TP53I13: variants seen among roughly 807,000 people sequenced by gnomAD.
The protein encoded by TP53I13 is tumor protein p53 inducible protein 13.
TP53I13 carries 27 observed loss-of-function variants against 39.1 expected under a neutral mutation model. The observed-to-expected ratio is 0.69, with a 90% CI of 0.51 to 0.95. TP53I13 has a LOEUF of 0.95. TP53I13 is among the 40% of genes least tolerant of loss of function. The pLI is 0.00. For synonymous variants in TP53I13, 230 were observed against 224.6 expected, an observed-to-expected ratio of 1.02 and a Z score of -0.22; for missense variants, 544 against 520.4, an observed-to-expected ratio of 1.05 and a Z score of -0.44.
intron 2 of TP53I13, 107 bp downstream of exon 2, chr17:29,569,193 TTCCTCAG>T: frequency 1.4e-6 from 2 of 1,470,512 alleles, no homozygotes; most frequent in Non-Finnish European, 1.9e-6. Flanking sequence ...CCTCTGCCGG[TTCCTCAG>T]TCCTCAGTAG....
chr17:29,575,268 C>A, downstream of TP53I13: 1 of 1,599,400 alleles, frequency 6.3e-7, no homozygotes, highest in Non-Finnish European at 8.5e-7. The surrounding 1 kb of genome is among the most constrained non-coding windows in gnomAD (Gnocchi z 5.5). Context: ...ATCCCCCTCA[C>A]CTCCCCCTCC....
chr17:29,572,848 G>A lies in TP53I13; in HGVS notation c.1106G>A (p.Arg369Gln), dbSNP rs1480865706. The change falls in exon 7 of 7, where the codon CGG (arginine) becomes CAG (glutamine). Residue 369 changes from arginine (R) to glutamine (Q), a missense_variant. Transcript: ENST00000301057. ...CGGAGGCTGCTGCAGCCCTCGCGCC[G>A]GGTCAAGCGCTCGCGCCGGAGACCC... ...LKRRLLQPSR[R>Q]VKRSRRRPLL... 3 of 1,512,472 alleles carry A rather than the reference G, an allele frequency of 2.0e-6. No individual in the cohort carries two copies. Among genetic ancestry groups the A allele is most frequent in the African/African-American group, 1.4e-5 (1 of 70,264 alleles). 93.7% of individuals were successfully genotyped at this position (1,512,472 alleles called of 1,614,324 possible).
the TP53I13 span, chr17:29,578,523 C>T: frequency 1.2e-6 from 1 of 868,732 alleles, no homozygotes; most frequent in East Asian, 2.4e-5. Flanking sequence ...GGAAAGGGAT[C>T]ATGTTCCAAA....
chr17:29,576,017 C>T (rs2033181691), downstream of TP53I13: 8 of 1,580,844 alleles, frequency 5.1e-6, no homozygotes, highest in Non-Finnish European at 7.0e-6. Flanking sequence ...AGCACAGAGC[C>T]CAGAACCCCC....
At chr17:29,575,867 G>A, downstream of TP53I13, 1 of 1,611,550 alleles carries the variant, frequency 6.2e-7, no homozygotes, top group Non-Finnish European at 8.5e-7. This position sits in a 1 kb window ranked among gnomAD's most constrained non-coding sequence, Gnocchi z 5.5. Context: ...GGGAGTGAAG[G>A]GCACAGCTGA....
At chr17:29,574,740 G>C, downstream of TP53I13, 1 of 1,613,638 alleles carries the variant, frequency 6.2e-7, no homozygotes, top group Non-Finnish European at 8.5e-7. Context: ...GTGACCAGCT[G>C]CTTGGCAGCC....
chr17:29,576,268 G>GC, downstream of TP53I13: 2 of 1,610,298 alleles, frequency 1.2e-6, no homozygotes, highest in Non-Finnish European at 1.7e-6. Flanking sequence ...CCCCAGGGGG[G>GC]CCCCCAAAGG....
chr17:29,577,895 C>T (rs2033269320), downstream of TP53I13, among the ~76,000 whole-genome samples: 1 of 152,234 alleles, frequency 6.6e-6, no homozygotes, highest in African/African-American at 2.4e-5. Flanking sequence ...CAGAGCTAGG[C>T]CGGGCCAGGG....
upstream of TP53I13, chr17:29,568,671 GGGGGCGCT>G: frequency 3.3e-6 from 3 of 913,294 alleles, no homozygotes; most frequent in African/African-American, 1.8e-5. This position sits in a 1 kb window ranked among gnomAD's most constrained non-coding sequence, Gnocchi z 4.5. Flanking sequence ...CGGGCGGCGC[GGGGGCGCT>G]GGGGCTGGAG....
At position 29,572,612 on chromosome 17, in the gene TP53I13, G is replaced by C. The variant is rs377674843; in HGVS notation, c.984G>C (p.Thr328=). ...TGCTGGTGCTGCTCACCCTGGCCAC[G>C]CTCTGCACACGGCTGCACAGAAACT... ...TFLLVLLTLA[T]LCTRLHRNFR... Residue 328 remains threonine (T), a synonymous_variant, in exon 6 of 7, where the codon ACG becomes ACC. Transcript: ENST00000301057. 6.3e-7 allele frequency: 1 copy of C among 1,590,980 alleles called. No homozygotes were observed. The highest frequency in any genetic ancestry group is 8.5e-7 in the Non-Finnish European group (1 of 1,169,672).
At chr17:29,576,151 G>T (rs755855079), downstream of TP53I13, 1 of 1,613,240 alleles carries the variant, frequency 6.2e-7, no homozygotes, top group Non-Finnish European at 8.5e-7. Flanking sequence ...TTAGCACAGC[G>T]AGCGTCATGG....
downstream of TP53I13, chr17:29,574,131 A>G (rs2033094595): frequency 6.6e-6 from 1 of 152,496 alleles, no homozygotes; most frequent in Non-Finnish European, 1.5e-5. Flanking sequence ...GAAGAAAGAA[A>G]AAAAAAAAAC....
the TP53I13 span, chr17:29,581,709 G>C: frequency 3.2e-6 from 5 of 1,566,668 alleles, no homozygotes; most frequent in East Asian, 1.1e-4. This position sits in a 1 kb window ranked among gnomAD's most constrained non-coding sequence, Gnocchi z 4.8. Flanking sequence ...AGCCAGGCCT[G>C]TCACAGCCAG....
chr17:29,574,455 G>C (rs552908027), downstream of TP53I13: 109 of 554,338 alleles, frequency 2.0e-4, no homozygotes, highest in Middle Eastern at 2.3e-3. Context: ...TCACTAGGAG[G>C]GGGGAGATGC....
chr17:29,578,927 C>T, the TP53I13 span: 3 of 1,610,640 alleles, frequency 1.9e-6, no homozygotes, highest in South Asian at 1.1e-5. Context: ...CCCTACCCCA[C>T]CTTCAGGCCT....
chr17:29,572,356 A>T lies in TP53I13; in HGVS notation c.728A>T (p.Glu243Val), dbSNP rs1003576136. The change falls in exon 6 of 7, where the codon GAG becomes GTG. Residue 243 changes from glutamate to valine, a missense_variant. Transcript: ENST00000301057. ...TCCATGGCGGGAATCCCTGGTAGGG[A>T]GAGTAATGCCCCATCTGTGCCCACT... Reference protein sequence around the residue: ...KQSMAGIPGRESNAPSVPTVS... With the variant: ...KQSMAGIPGRVSNAPSVPTVS... The T allele has an allele frequency of 2.4e-5, 39 of 1,608,850 alleles. No individual in the cohort carries two copies. The highest frequency in any genetic ancestry group is 3.2e-5 in the Non-Finnish European group (38 of 1,177,010).
At chr17:29,568,231 C>T (rs1256314456), upstream of TP53I13, 2 of 152,342 alleles carry the variant, frequency 1.3e-5, no homozygotes, top group African/African-American at 2.4e-5. The surrounding 1 kb of genome is among the most constrained non-coding windows in gnomAD (Gnocchi z 4.5). Flanking sequence ...CCTCTCCCTT[C>T]AGCAGCTCTT....
the TP53I13 span, among the ~76,000 whole-genome samples, chr17:29,579,916 G>A: frequency 1.3e-5 from 2 of 152,108 alleles, no homozygotes; most frequent in Non-Finnish European, 1.5e-5. Context: ...CTCCGCTCTC[G>A]GGATGGTCAC....
Position 29,568,765 on chromosome 17 carries a change from C to T in TP53I13, c.7C>T (p.Pro3Ser), listed in dbSNP as rs1212631598. The change falls in exon 1 of 7, where the codon CCT becomes TCT. Residue 3 changes from proline to serine, a missense_variant. Transcript: ENST00000301057. This position sits in a 1 kb window ranked among gnomAD's most constrained non-coding sequence, Gnocchi z 4.5. ...GGGCCCGGGGCCGCTTGGAATGGCG[C>T]CTCCTCCGCCTTCGCCCCAACTGCT... MA[P>S]PPPSPQLLLL... is the part of the protein sequence containing the mutation. The T allele has an allele frequency of 1.3e-6, 2 of 1,586,112 alleles. No individual in the cohort carries two copies. Among genetic ancestry groups the T allele is most frequent in the Non-Finnish European group, 8.5e-7 (1 of 1,174,470 alleles).
Sources: gnomAD v4.1 joint callset for allele counts (sites outside exome capture counted in the v4.1 genomes callset) on GRCh38, gnomAD v4.1.1 for gene constraint, Gnocchi (gnomAD v3.1) non-coding constraint, MANE v1.5 for transcripts, NCBI Gene and HGNC (gene_info 2026-07-23, HGNC 2026-07-21) for gene names.